IFI6: variants seen among roughly 807,000 people sequenced by gnomAD.
IFI6 encodes interferon alpha inducible protein 6.
IFI6 carries 10 observed loss-of-function variants against 12.7 expected under a neutral mutation model. The observed-to-expected ratio is 0.79, with a 90% CI of 0.49 to 1.33. The LOEUF (loss-of-function observed/expected upper bound fraction) is 1.33, where lower values mean the gene tolerates loss of function less well. IFI6 is among the 40% of genes most tolerant of loss of function. The pLI is 0.00. For synonymous variants in IFI6, 89 were observed against 86.2 expected (o/e 1.03, Z -0.18); for missense variants, 154 against 180.4 (o/e 0.85, Z 0.84).
intron 1 of IFI6, among the ~76,000 whole-genome samples, chr1:27,671,756 T>C (rs1017666023): frequency 2.6e-5 from 4 of 152,130 alleles, no homozygotes; most frequent in African/African-American, 9.7e-5. Flanking sequence ...CACTGTCACA[T>C]TGGATCCTAT....
intron 1 of IFI6, chr1:27,669,687 C>T (rs2090389629): frequency 3.6e-6 from 1 of 277,854 alleles, no homozygotes; most frequent in Non-Finnish European, 7.1e-6. Flanking sequence ...CTCTGGGCTT[C>T]AGTTTGTTTA....
intron 1 of IFI6, chr1:27,669,685 T>A (rs2090389614): frequency 3.6e-6 from 1 of 280,684 alleles, no homozygotes; most frequent in Non-Finnish European, 7.0e-6. Context: ...TTCTCTGGGC[T>A]TCAGTTTGTT....
chr1:27,669,190 TCCTTACCTGCAC>T (rs1409473263), intron 2 of IFI6, 43 bp downstream of exon 2: 1 of 1,531,432 alleles, frequency 6.5e-7, no homozygotes, highest in East Asian at 2.5e-5. Context: ...CTTACTTGCA[TCCTTACCTGCAC>T]CCTTACCTGT....
In IFI6 at chr1:27,667,240, C is replaced by CAAA. The variant is rs761365595; in HGVS notation, c.299-768_299-766dup. 1.1e-3 allele frequency among the ~76,000 whole-genome samples: 14 copies of CAAA among 12,282 alleles called. 1 individual carries two copies. Among genetic ancestry groups the CAAA allele is most frequent in the Non-Finnish European group, 1.8e-3 (8 of 4,526 alleles). The allele number at this position is 12,282 out of a possible 152,430, so 8.1% of individuals were successfully genotyped here. A position where few individuals can be genotyped will look rare whatever the true frequency, so the allele number is the denominator to read the frequency against. ...GCAACACAATGAGACCCCGTCTCTA[C>CAAA]AAAAAAAAAAAAAAAAAAAAAAAAA... On this transcript the variant is annotated intron_variant, in intron 4 of 4. Transcript: ENST00000361157.
chr1:27,666,519 G>C (rs2090353194), intron 4 of IFI6, 44 bp from the exon 5 acceptor site: 2 of 1,406,856 alleles, frequency 1.4e-6, no homozygotes, highest in South Asian at 2.3e-5. Context: ...CAAGTGCCAG[G>C]CCTGGGAATC....
intron 2 of IFI6, among the ~76,000 whole-genome samples, chr1:27,668,973 AT>A: frequency 6.7e-6 from 1 of 149,050 alleles, no homozygotes; most frequent in Non-Finnish European, 1.5e-5. Context: ...CCTTACCTGC[AT>A]CCTTACCCAC....
At chr1:27,672,097 C>T (rs894353281) in intron 1 of IFI6, 26 bp downstream of exon 1, 4 of 152,236 alleles carry the variant, frequency 2.6e-5, no homozygotes, top group Non-Finnish European at 5.9e-5. Context: ...AGCTTGATGC[C>T]CACACTTCAT....
chr1:27,667,228 A>G (rs1368609178), intron 4 of IFI6, among the ~76,000 whole-genome samples: 1 of 98,408 alleles, frequency 1.0e-5, no homozygotes, highest in African/African-American at 4.1e-5. Context: ...ACACAATGAG[A>G]CCCCGTCTCT....
intron 4 of IFI6, among the ~76,000 whole-genome samples, chr1:27,667,785 T>C (rs1388366059): frequency 6.6e-6 from 1 of 152,156 alleles, no homozygotes; most frequent in African/African-American, 2.4e-5. Context: ...GTTACTTAAT[T>C]TCTGGCCGGA....
chr1:27,667,130 A>C (rs1247296435), intron 4 of IFI6, among the ~76,000 whole-genome samples: 1 of 150,916 alleles, frequency 6.6e-6, no homozygotes, highest in Non-Finnish European at 1.5e-5. Context: ...CTGGGCCAGC[A>C]CAGTGGCTCA....
At chr1:27,669,378 G>A (rs1428479143) in intron 1 of IFI6, 32 bp from the exon 2 acceptor site, 2 of 1,393,110 alleles carry the variant, frequency 1.4e-6, no homozygotes, top group African/African-American at 2.9e-5. Flanking sequence ...ATGGTCCCCG[G>A]AGCATTTTTG....
chr1:27,669,007 GCA>G (rs2090380328), intron 2 of IFI6, among the ~76,000 whole-genome samples: 1 of 33,978 alleles, frequency 2.9e-5, no homozygotes, highest in Non-Finnish European at 2.2e-4. Context: ...ATCCTTACCC[GCA>G]TCCTTACCCG....
At chr1:27,670,692 C>T (rs1389091569) in intron 1 of IFI6, among the ~76,000 whole-genome samples, 1 of 152,186 alleles carries the variant, frequency 6.6e-6, no homozygotes, top group Non-Finnish European at 1.5e-5. Context: ...TCCAGAAGCA[C>T]CACCCACTGG....
At position 27,666,459 on chromosome 1, in the gene IFI6, G is replaced by A. The variant is rs780601796; in HGVS notation, c.315C>T (p.Ser105=). ...GGGCACCAATATTACCTATGACGAC[G>A]CTGCTGCCACCAGCCCCTGTAAAGC... ...TLQSLGAGGS[S]VVIGNIGALM... is the part of the protein sequence containing the mutation. The change falls in exon 5 of 5, where the codon AGC becomes AGT. Residue 105 remains serine, a synonymous_variant. Coordinates refer to ENST00000361157, the MANE Select transcript of IFI6 (RefSeq NM_002038.4). The A allele has an allele frequency of 3.7e-5, 60 of 1,613,424 alleles. No individual in the cohort carries two copies. Among genetic ancestry groups the A allele is most frequent in the Non-Finnish European group, 4.8e-5 (57 of 1,179,700 alleles).
rs1457872730 is a variant in IFI6, at chr1:27,668,456, A to G, written c.148+2T>C. Reference sequence around the variant, plus strand: ...CCCGAGATCCTCGCCCTCCAGACCCACCTCCTCCGACGGCCATGAAGGTCA... The same window carrying G: ...CCCGAGATCCTCGCCCTCCAGACCCGCCTCCTCCGACGGCCATGAAGGTCA... On this transcript the variant is annotated splice_donor_variant, in intron 3 of 4. Transcript: ENST00000361157. LOFTEE classifies it high-confidence loss of function. 1 of 1,609,174 alleles carries G rather than the reference A, an allele frequency of 6.2e-7. No homozygotes were observed. The highest frequency in any genetic ancestry group is 1.7e-5 in the Admixed American group (1 of 59,770).
intron 2 of IFI6, 40 bp from the exon 3 acceptor site, chr1:27,668,575 TG>T: frequency 6.5e-7 from 1 of 1,531,570 alleles, no homozygotes; most frequent in Non-Finnish European, 8.9e-7. Context: ...GGTGTTGGGG[TG>T]GGACACAGGG....
chr1:27,668,482 G>C lies in IFI6; in HGVS notation c.124C>G (p.Leu42Val), dbSNP rs1293907471. ...SDSGSGFWKA[L>V]TFMAVGGGLA... ...CCTCCTCCGACGGCCATGAAGGTCAGGGCCTTCCAGAACCCGGAGCCGCTG... is the reference window on the plus strand; with the variant it reads ...CCTCCTCCGACGGCCATGAAGGTCACGGCCTTCCAGAACCCGGAGCCGCTG... The change falls in exon 3 of 5, where the codon CTG becomes GTG. Residue 42 changes from leucine (L) to valine (V), a missense_variant. Leu to Val is a conservative substitution (Grantham distance 32). Transcript: ENST00000361157. 2.5e-6 allele frequency: 4 copies of C among 1,611,776 alleles called. No homozygotes were observed. Among genetic ancestry groups the C allele is most frequent in the Non-Finnish European group, 3.4e-6 (4 of 1,179,022 alleles).
intron 2 of IFI6, 125 bp downstream of exon 2, chr1:27,669,120 C>CTTACCTGCATCCTTACCCGCATCT: frequency 1.7e-6 from 2 of 1,153,950 alleles, no homozygotes; most frequent in Non-Finnish European, 2.5e-6. Context: ...TACCCGCATC[C>CTTACCTGCATCCTTACCCGCATCT]TTACCTGCAT....
intron 3 of IFI6, 32 bp downstream of exon 3, chr1:27,668,426 G>A: frequency 1.3e-6 from 2 of 1,597,162 alleles, no homozygotes; most frequent in Non-Finnish European, 8.5e-7. Flanking sequence ...GGCCCGCCCC[G>A]CCTGCCCGAG....
Sources: allele counts gnomAD v4.1 joint callset (sites outside exome capture counted in the v4.1 genomes callset), GRCh38; gene constraint gnomAD v4.1.1; transcripts MANE v1.5; gene names NCBI Gene and HGNC (gene_info 2026-07-23, HGNC 2026-07-21).